CHRNA7: variants seen among roughly 807,000 people sequenced by gnomAD.
The protein encoded by CHRNA7 is neuronal acetylcholine receptor subunit alpha-7.
Under a neutral mutation model 48.0 loss-of-function variants are expected in CHRNA7, and 17 were observed. The ratio of observed to expected loss-of-function variants is 0.35; its 90% CI spans 0.24 to 0.53. The LOEUF (loss-of-function observed/expected upper bound fraction) is 0.53. CHRNA7 is among the 20% of genes least tolerant of loss of function. The pLI is 0.92. For synonymous variants in CHRNA7, 75 were observed against 242.3 expected (o/e 0.31, Z 6.41); for missense variants, 155 against 577.7 (o/e 0.27, Z 7.50).
At chr15:32,143,506 T>C (rs2051424388) in intron 4 of CHRNA7, among the ~76,000 whole-genome samples, 1 of 152,006 alleles carries the variant, frequency 6.6e-6, no homozygotes, top group African/African-American at 2.4e-5. Flanking sequence ...GATCTAATAT[T>C]GACAGTGGGC....
chr15:32,050,646 C>T lies in CHRNA7; in HGVS notation c.195+19609C>T, dbSNP rs531061758. Among the ~76,000 whole-genome samples, 5 of 152,310 alleles carry T rather than the reference C, an allele frequency of 3.3e-5. No homozygotes were observed. The East Asian group carries it at 5.8e-4, about 18-fold the overall frequency. On this transcript the variant is annotated intron_variant, in intron 2 of 9. Transcript: ENST00000306901. ...CGTCTGAAGCCTTCTTCTCTCAACT[C>T]GTCAAAGTCATTCTCCATCCAGCTT...
At chr15:32,110,503 T>C (rs1311204561) in intron 3 of CHRNA7, among the ~76,000 whole-genome samples, 1 of 152,198 alleles carries the variant, frequency 6.6e-6, no homozygotes, top group Non-Finnish European at 1.5e-5. Flanking sequence ...GGATAGTTCC[T>C]CTCCTTTGAT....
At position 32,121,686 on chromosome 15, in the gene CHRNA7, G is replaced by A. The variant is rs571154153; in HGVS notation, c.350+9787G>A. On this transcript the variant is annotated intron_variant, in intron 4 of 9. Coordinates refer to ENST00000306901, the MANE Select transcript of CHRNA7 (RefSeq NM_000746.6). ...CGTCTTGGTCTGTCTGGGACAGCCC[G>A]GGTTTGTGCCTGAGGTCCTGGCACT... 1.4e-4 allele frequency among the ~76,000 whole-genome samples: 21 copies of A among 152,326 alleles called. 1 individual carries two copies. The highest frequency in any genetic ancestry group is 4.1e-4 in the South Asian group (2 of 4,828).
intron 4 of CHRNA7, among the ~76,000 whole-genome samples, chr15:32,140,608 C>G (rs1006211714): frequency 3.0e-4 from 45 of 152,146 alleles, no homozygotes; most frequent in Non-Finnish European, 5.9e-5. Context: ...TTAATGATTG[C>G]CATTCTAACT....
intron 2 of CHRNA7, among the ~76,000 whole-genome samples, chr15:32,086,029 ATAT>A (rs1453585337): frequency 2.6e-5 from 4 of 152,212 alleles, no homozygotes; most frequent in Non-Finnish European, 1.5e-5. Context: ...ATAAATAAAC[ATAT>A]TATAAATAAA....
chr15:32,054,511 A>G (rs934196205), intron 2 of CHRNA7, among the ~76,000 whole-genome samples: 3 of 152,162 alleles, frequency 2.0e-5, no homozygotes, highest in African/African-American at 7.2e-5. Context: ...ATCAAAACCA[A>G]TTCAGTGGGT....
At chr15:32,119,867 C>T (rs921773190) in intron 4 of CHRNA7, among the ~76,000 whole-genome samples, 4 of 152,104 alleles carry the variant, frequency 2.6e-5, no homozygotes, top group South Asian at 2.1e-4. Flanking sequence ...CTGTTTGCCT[C>T]GGGCTAACTC....
chr15:32,030,694 G>A (rs746902896), intron 1 of CHRNA7, 45 bp downstream of exon 1: 2 of 1,551,298 alleles, frequency 1.3e-6, no homozygotes, highest in Non-Finnish European at 1.7e-6. Context: ...GTGGGATCCC[G>A]GGCACATCCC....
chr15:32,131,844 A>T (rs895573354), intron 4 of CHRNA7, among the ~76,000 whole-genome samples: 12 of 152,148 alleles, frequency 7.9e-5, no homozygotes, highest in African/African-American at 2.9e-4. Context: ...CTAGCAGAGG[A>T]GGGAGGACAC....
At chr15:32,117,482 C>A (rs1006663156) in intron 4 of CHRNA7, among the ~76,000 whole-genome samples, 1 of 152,188 alleles carries the variant, frequency 6.6e-6, no homozygotes, top group African/African-American at 2.4e-5. Context: ...CACTCAAGTT[C>A]TAGTTGCTTT....
rs147227248 is a variant in CHRNA7, at chr15:32,069,397, G to A, written c.196-31906G>A. ...CTGATGGCCGAAACCTGTAGTCCCA[G>A]CATTTTGGGAGGCTGAGGCAGGAGG... is the stretch of plus-strand genomic sequence containing the variant. On this transcript the variant is annotated intron_variant, in intron 2 of 9. Coordinates refer to ENST00000306901, the MANE Select transcript of CHRNA7 (RefSeq NM_000746.6). 8.4e-3 allele frequency among the ~76,000 whole-genome samples: 1,280 copies of A among 152,340 alleles called. 23 individuals are homozygous for A. Among genetic ancestry groups the A allele is most frequent in the African/African-American group, 0.029 (1,207 of 41,572 alleles).
intron 3 of CHRNA7, among the ~76,000 whole-genome samples, chr15:32,104,524 A>G (rs576102957): frequency 3.9e-5 from 6 of 152,072 alleles, no homozygotes; most frequent in East Asian, 3.9e-4. Flanking sequence ...TCACTCGTCT[A>G]TCTGTTCATT....
rs374919612 is a variant in CHRNA7, at chr15:32,054,968, A to G, written c.195+23931A>G. Reference sequence around the variant, plus strand: ...TAACTTTTCTGGATGATGCTAAACAATTTTCAAAATGGTTATACCAATTAG... The same window carrying G: ...TAACTTTTCTGGATGATGCTAAACAGTTTTCAAAATGGTTATACCAATTAG... On this transcript the variant is annotated intron_variant, in intron 2 of 9. Coordinates refer to ENST00000306901, the MANE Select transcript of CHRNA7 (RefSeq NM_000746.6). Among the ~76,000 whole-genome samples, 7 of 152,274 alleles carry G rather than the reference A, an allele frequency of 4.6e-5. No individual in the cohort carries two copies. The South Asian group carries it at 1.2e-3, about 27-fold the overall frequency.
chr15:32,103,494 G>C (rs548388122), intron 3 of CHRNA7, among the ~76,000 whole-genome samples: 3 of 148,782 alleles, frequency 2.0e-5, no homozygotes, highest in Non-Finnish European at 3.0e-5. Context: ...ATAGCTACAT[G>C]TGAGACTCCT....
Position 32,045,582 on chromosome 15 carries a change from G to A in CHRNA7, c.195+14545G>A, listed in dbSNP as rs573726309. Among the ~76,000 whole-genome samples, 15 of 151,774 alleles carry A rather than the reference G, an allele frequency of 9.9e-5. No homozygotes were observed. In the South Asian group the frequency reaches 3.1e-3, roughly 32 times the overall value. On this transcript the variant is annotated intron_variant, in intron 2 of 9. Coordinates refer to ENST00000306901, the MANE Select transcript of CHRNA7 (RefSeq NM_000746.6). ...GACAGAGTCTCACTTTGTCACCCAG[G>A]CTGGCATATGGTGGCACAGTCTCGG...
At chr15:32,052,457 G>A (rs1162410239) in intron 2 of CHRNA7, among the ~76,000 whole-genome samples, 1 of 152,142 alleles carries the variant, frequency 6.6e-6, no homozygotes, top group Non-Finnish European at 1.5e-5. Context: ...GAGGCCAGGT[G>A]CGTTGGCTCA....
intron 4 of CHRNA7, among the ~76,000 whole-genome samples, chr15:32,133,712 G>A (rs951106383): frequency 5.3e-5 from 8 of 152,216 alleles, no homozygotes; most frequent in African/African-American, 9.6e-5. Flanking sequence ...GGGAAGGGGT[G>A]CCTCCTGGTG....
chr15:32,045,862 C>T (rs936190152), intron 2 of CHRNA7, among the ~76,000 whole-genome samples: 8 of 137,020 alleles, frequency 5.8e-5, no homozygotes, highest in African/African-American at 2.2e-4. Context: ...TGTTCCCCTT[C>T]CTGTGACCAT....
chr15:32,074,134 T>A (rs1595415701), intron 2 of CHRNA7, among the ~76,000 whole-genome samples: 1 of 151,808 alleles, frequency 6.6e-6, no homozygotes, highest in African/African-American at 2.4e-5. Flanking sequence ...CTGGTGTATA[T>A]AAATCAAGTT....
Sources: allele counts gnomAD v4.1 joint callset (sites outside exome capture counted in the v4.1 genomes callset), GRCh38; gene constraint gnomAD v4.1.1; transcripts MANE v1.5; gene names NCBI Gene and HGNC (gene_info 2026-07-23, HGNC 2026-07-21).